Variants in BTAF1 observed in about 807,000 individuals in gnomAD.
BTAF1 encodes TATA-binding protein-associated factor 172.
BTAF1 carries 38 observed loss-of-function variants against 227.1 expected under a neutral mutation model. The ratio of observed to expected loss-of-function variants is 0.17; its 90% CI spans 0.13 to 0.22. The LOEUF (loss-of-function observed/expected upper bound fraction) is 0.22, where lower values mean the gene tolerates loss of function less well. Among genes scored for constraint, BTAF1 ranks in the 10% least tolerant of loss-of-function variants. The pLI, the probability that BTAF1 is intolerant of heterozygous loss-of-function variation, is 1.00. For synonymous variants in BTAF1, 742 were observed against 751.9 expected, an observed-to-expected ratio of 0.99 and a Z score of 0.21; for missense variants, 1,598 against 2,204.0, an observed-to-expected ratio of 0.73 and a Z score of 5.51.
At chr10:92,013,371 T>G (rs1383179362) in intron 30 of BTAF1, among the ~76,000 whole-genome samples, 1 of 152,192 alleles carries the variant, frequency 6.6e-6, no homozygotes, top group African/African-American at 2.4e-5. Context: ...GAAAGTTATC[T>G]TTCTGCTCTT....
chr10:91,966,499 G>T (rs752195028), intron 13 of BTAF1, 138 bp from the exon 14 acceptor site: 7 of 835,130 alleles, frequency 8.4e-6, no homozygotes, highest in Non-Finnish European at 1.1e-5. Context: ...TATGAAAACT[G>T]TATTATCTTT....
At chr10:91,934,935 C>T (rs569290527) in intron 1 of BTAF1, among the ~76,000 whole-genome samples, 47 of 152,090 alleles carry the variant, frequency 3.1e-4, no homozygotes, top group Admixed American at 9.2e-4. Context: ...ATATAATATT[C>T]GCTCCTTTCT....
At chr10:91,928,248 T>C (rs1844004614) in intron 1 of BTAF1, among the ~76,000 whole-genome samples, 1 of 152,172 alleles carries the variant, frequency 6.6e-6, no homozygotes, top group African/African-American at 2.4e-5. Context: ...GTACTTTCAG[T>C]TGTAAGAATG....
chr10:91,944,224 T>G (rs1050948997), intron 4 of BTAF1, among the ~76,000 whole-genome samples: 7 of 152,184 alleles, frequency 4.6e-5, no homozygotes, highest in Non-Finnish European at 8.8e-5. Flanking sequence ...CTGCAGTTTC[T>G]TGGGAACTCA....
At chr10:91,981,105 A>G (rs1848033929) in intron 15 of BTAF1, among the ~76,000 whole-genome samples, 1 of 152,100 alleles carries the variant, frequency 6.6e-6, no homozygotes, top group Admixed American at 6.6e-5. Flanking sequence ...CTTGTTAACA[A>G]CCTTGGATTA....
chr10:91,991,279 T>TATATATATATATATATATAA lies in BTAF1; in HGVS notation c.2855-827_2855-826insTATATAAATATATATATATA, dbSNP rs1256838673. 8.0e-4 allele frequency among the ~76,000 whole-genome samples: 79 copies of TATATATATATATATATATAA among 98,332 alleles called. 2 individuals are homozygous for TATATATATATATATATATAA. The highest frequency in any genetic ancestry group is 1.4e-3 in the Non-Finnish European group (59 of 42,994). 64.5% of individuals were successfully genotyped at this position (98,332 alleles called of 152,430 possible). ...ATATAAATATAAATATAAATATATA[T>TATATATATATATATATATAA]ATATATATATATAAATTATCCGGAC... On this transcript the variant is annotated intron_variant, in intron 20 of 37. Coordinates refer to ENST00000265990, the MANE Select transcript of BTAF1 (RefSeq NM_003972.3).
intron 14 of BTAF1, among the ~76,000 whole-genome samples, chr10:91,970,930 T>C (rs1347487357): frequency 1.3e-5 from 2 of 152,232 alleles, no homozygotes; most frequent in Non-Finnish European, 2.9e-5. Flanking sequence ...ATCTTTGATA[T>C]GTACTTTCAC....
At position 91,951,437 on chromosome 10, in the gene BTAF1, A is replaced by G. The variant is rs1259316712; in HGVS notation, c.435A>G (p.Gln145=). 5 of 1,612,794 alleles carry G rather than the reference A, an allele frequency of 3.1e-6. No individual in the cohort carries two copies. The highest frequency in any genetic ancestry group is 1.1e-5 in the South Asian group (1 of 90,618). The part of the protein sequence containing the change: ...EVDPKERIAR[Q]RKLLQKKLGL... ...ATCCTAAAGAGAGGATAGCACGCCA[A>G]CGAAAATTATTACAGAAGAAACTTG... Residue 145 remains glutamine, a synonymous_variant, in exon 5 of 38, where the codon CAA becomes CAG. Coordinates refer to ENST00000265990, the MANE Select transcript of BTAF1 (RefSeq NM_003972.3).
At position 92,026,638 on chromosome 10, in the gene BTAF1, G is replaced by C; in HGVS notation, c.5122G>C (p.Val1708Leu). ...SIDVLLLTTH[V>L]GGLGLNLTGA... ...AGACGTTCTGTTACTTACCACTCAC[G>C]TTGGTGGCCTGGGACTTAATTTGAC... The change falls in exon 36 of 38, where the codon GTT becomes CTT. Residue 1708 changes from valine to leucine, a missense_variant. Transcript: ENST00000265990. 1 of 1,613,766 alleles carries C rather than the reference G, an allele frequency of 6.2e-7. No individual in the cohort carries two copies. Among genetic ancestry groups the C allele is most frequent in the Non-Finnish European group, 8.5e-7 (1 of 1,179,842 alleles).
At position 91,951,390 on chromosome 10, in the gene BTAF1, T is replaced by G; in HGVS notation, c.401-13T>G. 6.2e-7 allele frequency: 1 copy of G among 1,601,518 alleles called. No individual in the cohort carries two copies. The highest frequency in any genetic ancestry group is 8.5e-7 in the Non-Finnish European group (1 of 1,176,680). On this transcript the variant is annotated splice_polypyrimidine_tract_variant and intron_variant, in intron 4 of 37. Coordinates refer to ENST00000265990, the MANE Select transcript of BTAF1 (RefSeq NM_003972.3). Reference sequence around the variant, plus strand: ...ACTGATTTGGAGAAAACGTATTTCTTTTCTGTTGAAAGGTGAAGTGGATCC... The same window carrying G: ...ACTGATTTGGAGAAAACGTATTTCTGTTCTGTTGAAAGGTGAAGTGGATCC...
chr10:91,937,012 C>CTTT (rs373795380), intron 2 of BTAF1, among the ~76,000 whole-genome samples: 29 of 143,132 alleles, frequency 2.0e-4, no homozygotes, highest in African/African-American at 6.9e-4. Flanking sequence ...GTTTTGTTTT[C>CTTT]TTTTTTTTTT....
Position 92,030,798 on chromosome 10 carries a change from TTTTTAAAATAATC to T in BTAF1, c.*1870_*1882del, listed in dbSNP as rs1267182612. On this transcript the variant is annotated 3_prime_UTR_variant, in exon 38 of 38. Transcript: ENST00000265990. ...AGGAAAACTTAGAGTGGCTATAACA[TTTTTAAAATAATC>T]TTTTGAGTTGTAAAATAGTAAATCA... Among the ~76,000 whole-genome samples the T allele has an allele frequency of 6.6e-6, 1 of 152,168 alleles. No homozygotes were observed. The highest frequency in any genetic ancestry group is 1.5e-5 in the Non-Finnish European group (1 of 68,018).
At chr10:91,962,014 G>C (rs1846559259) in intron 11 of BTAF1, among the ~76,000 whole-genome samples, 1 of 152,084 alleles carries the variant, frequency 6.6e-6, no homozygotes, top group Non-Finnish European at 1.5e-5. Context: ...ATTGAATAAA[G>C]TACTTGATGC....
chr10:92,023,693 A>AG (rs895193078), intron 34 of BTAF1, among the ~76,000 whole-genome samples: 1 of 152,108 alleles, frequency 6.6e-6, no homozygotes, highest in Non-Finnish European at 1.5e-5. Flanking sequence ...CTAAAAAAAA[A>AG]GATCTTAGAT....
chr10:91,969,736 G>A (rs934080928), intron 14 of BTAF1, among the ~76,000 whole-genome samples: 4 of 152,126 alleles, frequency 2.6e-5, no homozygotes, highest in Non-Finnish European at 5.9e-5. Context: ...GGCTGAGGCG[G>A]GCGGATCACT....
intron 2 of BTAF1, 113 bp downstream of exon 2, chr10:91,935,893 T>A (rs1480165371): frequency 2.7e-6 from 3 of 1,106,678 alleles, no homozygotes; most frequent in Non-Finnish European, 3.6e-6. Context: ...TTTTGCTATT[T>A]CTTTTTTTTT....
chr10:91,942,926 A>G (rs1050120193), intron 4 of BTAF1, among the ~76,000 whole-genome samples: 1 of 152,172 alleles, frequency 6.6e-6, no homozygotes, highest in Non-Finnish European at 1.5e-5. Context: ...TGTTTTCACA[A>G]TTCTGGAAAT....
At chr10:91,991,793 G>GTATATATATA (rs1307734990) in intron 20 of BTAF1, among the ~76,000 whole-genome samples, 15 of 83,452 alleles carry the variant, frequency 1.8e-4, no homozygotes, top group African/African-American at 4.0e-4. Context: ...GTGTGTGTGT[G>GTATATATATA]TGTGTATATA....
intron 25 of BTAF1, among the ~76,000 whole-genome samples, chr10:92,001,703 A>G (rs1201108280): frequency 1.3e-5 from 2 of 152,286 alleles, no homozygotes; most frequent in East Asian, 1.9e-4. Context: ...AAAACTTCAG[A>G]TGTTTGACAT....
Sources: gnomAD v4.1 joint callset for allele counts (sites outside exome capture counted in the v4.1 genomes callset) on GRCh38, gnomAD v4.1.1 for gene constraint, MANE v1.5 for transcripts, NCBI Gene and HGNC (gene_info 2026-07-23, HGNC 2026-07-21) for gene names.